MTUS1: variants seen among roughly 807,000 people sequenced by gnomAD.
The protein encoded by MTUS1 is microtubule associated scaffold protein 1.
In MTUS1, 109 loss-of-function variants were observed where a neutral mutation model predicts 120.8. The ratio of observed to expected loss-of-function variants is 0.90; its 90% confidence interval spans 0.77 to 1.06. MTUS1 has a LOEUF of 1.06. Among genes scored for constraint, MTUS1 ranks in the 50% least tolerant of loss-of-function variants. MTUS1 has a pLI of 0.00. For missense variants in MTUS1, 2,210 were observed against 1,486.3 expected (o/e 1.49, Z -8.01); for synonymous variants, 737 against 550.5 (o/e 1.34, Z -4.74).
chr8:17,723,907 C>G, intron 3 of MTUS1, 74 bp from the exon 4 acceptor site: 3 of 1,259,988 alleles, frequency 2.4e-6, no homozygotes, highest in South Asian at 1.5e-5. Context: ...AGCCTGTAAA[C>G]TCAAACTTCT....
chr8:17,687,119 C>T (rs1287672403), intron 6 of MTUS1, among the ~76,000 whole-genome samples: 2 of 152,042 alleles, frequency 1.3e-5, no homozygotes, highest in African/African-American at 4.8e-5. Context: ...TTGATGTATT[C>T]GTCTAAGAGT....
At chr8:17,651,319 G>A (rs554175897) in intron 12 of MTUS1, among the ~76,000 whole-genome samples, 6 of 151,968 alleles carry the variant, frequency 3.9e-5, no homozygotes, top group African/African-American at 7.2e-5. Flanking sequence ...AATATATTGC[G>A]TACTTCAAAA....
chr8:17,664,478 C>T (rs887307077), intron 8 of MTUS1, among the ~76,000 whole-genome samples: 13 of 150,902 alleles, frequency 8.6e-5, no homozygotes, highest in African/African-American at 2.9e-4. Context: ...ATCCCCCTCT[C>T]TGCACCATCT....
At chr8:17,668,971 T>C (rs1811465171) in intron 8 of MTUS1, among the ~76,000 whole-genome samples, 1 of 152,228 alleles carries the variant, frequency 6.6e-6, no homozygotes, top group Admixed American at 6.5e-5. Flanking sequence ...AGAAGAAAAC[T>C]ACCTTTCCCT....
At chr8:17,647,694 T>C (rs1009194924) in intron 13 of MTUS1, among the ~76,000 whole-genome samples, 1 of 152,216 alleles carries the variant, frequency 6.6e-6, no homozygotes, top group African/African-American at 2.4e-5. Flanking sequence ...GTTCTCTTGC[T>C]GCCCTGTGCA....
chr8:17,736,806 A>T (rs2046965398), intron 3 of MTUS1, among the ~76,000 whole-genome samples: 1 of 152,100 alleles, frequency 6.6e-6, no homozygotes. Flanking sequence ...GCTGGTCTCG[A>T]ACTTCTGACC....
chr8:17,756,340 G>T (rs1414614114), intron 1 of MTUS1, among the ~76,000 whole-genome samples: 1 of 152,076 alleles, frequency 6.6e-6, no homozygotes, highest in Non-Finnish European at 1.5e-5. Context: ...GCTTATGACA[G>T]TCCCAAAGTA....
chr8:17,744,917 C>G (rs1014400766), intron 2 of MTUS1, among the ~76,000 whole-genome samples: 2 of 152,138 alleles, frequency 1.3e-5, no homozygotes, highest in Non-Finnish European at 2.9e-5. Context: ...GATGTCTCAT[C>G]TTCCCAGACC....
chr8:17,759,368 A>T (rs1014162225), intron 1 of MTUS1, among the ~76,000 whole-genome samples: 9 of 151,022 alleles, frequency 6.0e-5, no homozygotes, highest in Admixed American at 5.9e-4. Flanking sequence ...GGCTCAAGCG[A>T]TCTTCCCACC....
intron 8 of MTUS1, among the ~76,000 whole-genome samples, chr8:17,658,054 CACACACAG>C (rs1177602606): frequency 6.0e-5 from 9 of 149,844 alleles, no homozygotes; most frequent in Middle Eastern, 6.9e-3. Flanking sequence ...CACACACACA[CACACACAG>C]AGTCTTGCTG....
intron 1 of MTUS1, among the ~76,000 whole-genome samples, chr8:17,771,274 G>C (rs1231392639): frequency 2.0e-5 from 3 of 152,196 alleles, no homozygotes; most frequent in Non-Finnish European, 4.4e-5. Context: ...TCAGGTCAAT[G>C]ATGAGGAAGG....
At chr8:17,700,417 C>G (rs1381397309) in intron 6 of MTUS1, among the ~76,000 whole-genome samples, 3 of 137,912 alleles carry the variant, frequency 2.2e-5, no homozygotes, top group Non-Finnish European at 4.5e-5. Context: ...TTGCAATCAG[C>G]AGAGATTGTG....
intron 6 of MTUS1, chr8:17,691,442 T>A (rs776209474): frequency 6.6e-6 from 1 of 152,242 alleles, no homozygotes; most frequent in African/African-American, 2.4e-5. Flanking sequence ...TTGGAATCAA[T>A]CCACGACAAA....
chr8:17,683,759 G>C (rs1174096721), intron 7 of MTUS1, among the ~76,000 whole-genome samples: 1 of 152,170 alleles, frequency 6.6e-6, no homozygotes, highest in East Asian at 1.9e-4. Context: ...TTTTCTCAAT[G>C]AATTTTAGCC....
chr8:17,762,752 T>C (rs1433375800), intron 1 of MTUS1, among the ~76,000 whole-genome samples: 1 of 151,248 alleles, frequency 6.6e-6, no homozygotes, highest in East Asian at 2.0e-4. Flanking sequence ...AGTATTTCTC[T>C]GACTTTAATG....
intron 1 of MTUS1, among the ~76,000 whole-genome samples, chr8:17,793,470 G>A (rs2051965922): frequency 6.6e-6 from 1 of 152,136 alleles, no homozygotes; most frequent in African/African-American, 2.4e-5. Context: ...CCTTCCAGTA[G>A]CTGTGACTAT....
At chr8:17,678,513 A>G (rs920778595) in intron 7 of MTUS1, among the ~76,000 whole-genome samples, 2 of 152,202 alleles carry the variant, frequency 1.3e-5, no homozygotes, top group Non-Finnish European at 2.9e-5. Flanking sequence ...CTGTGGTCCC[A>G]TCGGTGTGCC....
chr8:17,650,935 T>C (rs370413612), intron 12 of MTUS1, among the ~76,000 whole-genome samples: 2 of 152,304 alleles, frequency 1.3e-5, no homozygotes, highest in African/African-American at 4.8e-5. Context: ...GTCATCAAGC[T>C]TATCTTCCGG....
Position 17,744,038 on chromosome 8 carries a change from T to C in MTUS1, c.2092-239A>G, listed in dbSNP as rs181463512. On this transcript the variant is annotated intron_variant, in intron 2 of 14. Transcript: ENST00000693296. ...CTTAAGTCAGACAAAACAGACTCTT[T>C]ATAGCAAAAAGACACTAAATTCCAA... Among the ~76,000 whole-genome samples, 299 of 152,336 alleles carry C rather than the reference T, an allele frequency of 2.0e-3. 1 individual carries two copies. The highest frequency in any genetic ancestry group is 3.3e-3 in the Non-Finnish European group (225 of 68,034).
Sources: allele counts gnomAD v4.1 joint callset (sites outside exome capture counted in the v4.1 genomes callset), GRCh38; gene constraint gnomAD v4.1.1; transcripts MANE v1.5; gene names NCBI Gene and HGNC (gene_info 2026-07-23, HGNC 2026-07-21).